The following PCDHA4 variants were observed in gnomAD, a reference collection of about 807,000 sequenced individuals.
PCDHA4 encodes protocadherin alpha 4, also known as protocadherin alpha-4.
A neutral mutation model predicts 61.4 loss-of-function variants in PCDHA4; 49 were observed. The observed-to-expected ratio is 0.80, with a 90% CI of 0.63 to 1.01. The LOEUF (loss-of-function observed/expected upper bound fraction) is 1.01. Among genes scored for constraint, PCDHA4 ranks in the 50% least tolerant of loss-of-function variants. The probability of loss-of-function intolerance (pLI) is 0.00; values close to 1 mark genes in which losing one functional copy is unlikely to be tolerated. For synonymous variants in PCDHA4, 590 were observed against 550.3 expected (o/e 1.07, Z -1.01); for missense variants, 1,254 against 1,235.8 (o/e 1.01, Z -0.22).
chr5:140,888,755 T>C (rs1290458155), intron 1 of PCDHA4, among the ~76,000 whole-genome samples: 1 of 146,364 alleles, frequency 6.8e-6, no homozygotes, highest in African/African-American at 2.5e-5. Flanking sequence ...TTCTACCCAC[T>C]TTTTTTTTTA....
chr5:140,995,388 A>G (rs1467282798), intron 3 of PCDHA4, among the ~76,000 whole-genome samples: 1 of 152,208 alleles, frequency 6.6e-6, no homozygotes. Flanking sequence ...GGCAGGATAA[A>G]GCGGGATGGC....
chr5:140,818,968 T>C (rs2150102833), intron 1 of PCDHA4, among the ~76,000 whole-genome samples: 1 of 152,362 alleles, frequency 6.6e-6, no homozygotes, highest in African/African-American at 2.4e-5. Context: ...CTCAGGGATA[T>C]GTTAGAACTA....
intron 1 of PCDHA4, among the ~76,000 whole-genome samples, chr5:140,962,524 G>T (rs1410879766): frequency 6.6e-6 from 1 of 152,012 alleles, no homozygotes; most frequent in Non-Finnish European, 1.5e-5. Flanking sequence ...TAATATATTA[G>T]TTTTTTAGAA....
chr5:141,007,315 C>T (rs1207897662), intron 3 of PCDHA4, among the ~76,000 whole-genome samples: 1 of 148,308 alleles, frequency 6.7e-6, no homozygotes, highest in Non-Finnish European at 1.5e-5. Flanking sequence ...TTTTGGGAGG[C>T]TAAAGTGGAC....
intron 1 of PCDHA4, chr5:140,823,594 T>C (rs1562273356): frequency 6.2e-7 from 1 of 1,613,998 alleles, no homozygotes; most frequent in Non-Finnish European, 8.5e-7. Context: ...CGCTTGGCTT[T>C]CGTATGAGCT....
chr5:140,891,374 A>G (rs960838202), intron 1 of PCDHA4, among the ~76,000 whole-genome samples: 11 of 151,996 alleles, frequency 7.2e-5, no homozygotes, highest in Non-Finnish European at 1.3e-4. Flanking sequence ...TATACATTGC[A>G]CCATATTTGC....
At chr5:140,969,948 G>A (rs1206322511) in intron 1 of PCDHA4, among the ~76,000 whole-genome samples, 3 of 152,198 alleles carry the variant, frequency 2.0e-5, no homozygotes, top group African/African-American at 7.2e-5. Context: ...TGAAGCTAAA[G>A]TTTGCTTTGG....
intron 1 of PCDHA4, among the ~76,000 whole-genome samples, chr5:140,964,393 C>T (rs782008532): frequency 6.6e-6 from 1 of 152,098 alleles, no homozygotes; most frequent in Admixed American, 6.5e-5. Context: ...GTTTTTCTCC[C>T]AAGACATGAC....
Position 140,846,464 on chromosome 5 carries a change from T to G in PCDHA4, c.2385+36892T>G, listed in dbSNP as rs2150391195. Among the ~76,000 whole-genome samples, 4 of 138,432 alleles carry G rather than the reference T, an allele frequency of 2.9e-5. No homozygotes were observed. In the South Asian group the frequency reaches 1.0e-3, roughly 35 times the overall value. The allele number at this position is 138,432 out of a possible 152,430, so 90.8% of individuals were successfully genotyped here. On this transcript the variant is annotated intron_variant, in intron 1 of 3. Transcript: ENST00000530339. ...ATCTCGGCTCACTGCAACCTCTGCC[T>G]CCCGGGTTCAAATGATTCTCCTTCC...
chr5:140,999,775 A>T (rs2097875590), intron 3 of PCDHA4, among the ~76,000 whole-genome samples: 1 of 152,178 alleles, frequency 6.6e-6, no homozygotes, highest in African/African-American at 2.4e-5. Context: ...TATACTCTTA[A>T]CCTAGAAATG....
In PCDHA4 at chr5:141,010,490, A is replaced by C; in HGVS notation, c.*553A>C. 1.6e-6 allele frequency: 1 copy of C among 640,034 alleles called. No individual in the cohort carries two copies. The highest frequency in any genetic ancestry group is 2.4e-6 in the Non-Finnish European group (1 of 411,150). The allele number at this position is 640,034 out of a possible 1,614,324, so 39.6% of individuals were successfully genotyped here. On this transcript the variant is annotated 3_prime_UTR_variant, in exon 4 of 4. Coordinates refer to ENST00000530339, the MANE Select transcript of PCDHA4 (RefSeq NM_018907.4). ...GGAGGGGAAGTGTAAACTTAAAGGG[A>C]CCAGACTTTCTAAATCTTACAACTC...
In PCDHA4 at chr5:140,870,537, G is replaced by A. The variant is rs575452776; in HGVS notation, c.2385+60965G>A. On this transcript the variant is annotated intron_variant, in intron 1 of 3. Transcript: ENST00000530339. ...GCTGCCACATCTTCACAGTGTCGGC[G>A]CGGGACGCGGACGCGCAGGAGAACG... 9.3e-6 allele frequency: 15 copies of A among 1,614,172 alleles called. No homozygotes were observed. In the African/African-American group the frequency reaches 1.7e-4, roughly 19 times the overall value.
In PCDHA4 at chr5:140,809,289, T is replaced by A. The variant is rs1764417465; in HGVS notation, c.2102T>A (p.Ile701Asn). The A allele has an allele frequency of 6.2e-7, 1 of 1,614,110 alleles. No homozygotes were observed. The highest frequency in any genetic ancestry group is 1.7e-5 in the Admixed American group (1 of 60,030). ...AALVDVNVYL[I>N]IAICAVSSLL... ...CTGGTGGATGTCAACGTATACCTGA[T>A]CATTGCCATCTGCGCGGTGTCCAGC... is the stretch of plus-strand genomic sequence containing the variant. The change falls in exon 1 of 4, where the codon ATC (isoleucine) becomes AAC (asparagine). Residue 701 changes from isoleucine to asparagine, a missense_variant. Transcript: ENST00000530339.
intron 1 of PCDHA4, chr5:140,927,487 C>T: frequency 1.2e-6 from 2 of 1,614,142 alleles, no homozygotes; most frequent in Non-Finnish European, 1.7e-6. Context: ...GCGCGCCACC[C>T]ACCTGCTGGT....
intron 1 of PCDHA4, chr5:140,852,531 C>G (rs1197831362): frequency 2.2e-6 from 1 of 450,452 alleles, no homozygotes; most frequent in African/African-American, 2.1e-5. Context: ...CCACCTCGGC[C>G]TCCCAAAGTG....
chr5:140,957,407 A>G lies in PCDHA4; in HGVS notation c.2386-21542A>G, dbSNP rs570373783. On this transcript the variant is annotated intron_variant, in intron 1 of 3. Coordinates refer to ENST00000530339, the MANE Select transcript of PCDHA4 (RefSeq NM_018907.4). ...GTTATAATTGTCCTAATTTATTATT[A>G]TTGTTGTTAATCTTTTACTGTGCCT... Among the ~76,000 whole-genome samples, 13 of 152,274 alleles carry G rather than the reference A, an allele frequency of 8.5e-5. No homozygotes were observed. The South Asian group carries it at 2.7e-3, about 32-fold the overall frequency.
At chr5:140,960,515 A>G (rs1445432467) in intron 1 of PCDHA4, among the ~76,000 whole-genome samples, 1 of 152,182 alleles carries the variant, frequency 6.6e-6, no homozygotes, top group Non-Finnish European at 1.5e-5. Flanking sequence ...AGCAAACATA[A>G]TGGGTATAGG....
At chr5:141,009,295 A>T (rs782350734) in intron 3 of PCDHA4, among the ~76,000 whole-genome samples, 13 of 152,030 alleles carry the variant, frequency 8.6e-5, no homozygotes, top group Admixed American at 3.9e-4. Context: ...TTTCTATAAA[A>T]TTTTTTTTAA....
At chr5:140,884,003 G>T (rs781845787) in intron 1 of PCDHA4, 2 of 1,612,968 alleles carry the variant, frequency 1.2e-6, no homozygotes, top group Non-Finnish European at 8.5e-7. Flanking sequence ...CACAGTGAGC[G>T]AGCTGATGCC....
Sources: gnomAD v4.1 joint callset for allele counts (sites outside exome capture counted in the v4.1 genomes callset) on GRCh38, gnomAD v4.1.1 for gene constraint, MANE v1.5 for transcripts, NCBI Gene and HGNC (gene_info 2026-07-23, HGNC 2026-07-21) for gene names.